SPEG: variants seen among roughly 807,000 people sequenced by gnomAD.
SPEG encodes striated muscle preferentially expressed protein kinase.
Under a neutral mutation model 300.4 loss-of-function variants are expected in SPEG, and 114 were observed. That is an observed-to-expected ratio of 0.38 (90% confidence interval 0.33 to 0.44). SPEG has a LOEUF of 0.44. SPEG is among the 20% of genes least tolerant of loss of function. The pLI, the probability that SPEG is intolerant of heterozygous loss-of-function variation, is 1.00. For missense variants in SPEG, 4,201 were observed against 4,586.2 expected (o/e 0.92, Z 2.43); for synonymous variants, 1,964 against 2,018.9 (o/e 0.97, Z 0.73).
rs531581582 is a variant in SPEG, at chr2:219,477,214, G to T, written c.4561-63G>T. ...ATGCGCTGCCCAGAGTAGGAGATGA[G>T]GCCCTGGCCCCAAGGTAGAGATGAG... is the stretch of plus-strand genomic sequence containing the variant. On this transcript the variant is annotated intron_variant, in intron 19 of 40. Transcript: ENST00000312358. The surrounding 1 kb of genome is among the most constrained non-coding windows in gnomAD (Gnocchi z 6.4). 2 of 1,444,342 alleles carry T rather than the reference G, an allele frequency of 1.4e-6. No homozygotes were observed. Among genetic ancestry groups the T allele is most frequent in the Middle Eastern group, 2.2e-4 (1 of 4,470 alleles). 89.5% of individuals were successfully genotyped at this position (1,444,342 alleles called of 1,614,324 possible). A position where few individuals can be genotyped will look rare whatever the true frequency, so the allele number is the denominator to read the frequency against.
chr2:219,444,580 G>A lies in SPEG; in HGVS notation c.389-73G>A, dbSNP rs1309318984. On this transcript the variant is annotated intron_variant, in intron 1 of 40. Transcript: ENST00000312358. The surrounding 1 kb of genome is among the most constrained non-coding windows in gnomAD (Gnocchi z 7.8). ...AGATGGAGCCTGCTGTTGGCAGGGA[G>A]GCAGAAGGCAATAGGGAAGAGTTGG... 5 of 1,291,600 alleles carry A rather than the reference G, an allele frequency of 3.9e-6. No individual in the cohort carries two copies. The highest frequency in any genetic ancestry group is 5.6e-6 in the Non-Finnish European group (5 of 894,130). 80.0% of individuals were successfully genotyped at this position (1,291,600 alleles called of 1,614,324 possible). A position where few individuals can be genotyped will look rare whatever the true frequency, so the allele number is the denominator to read the frequency against.
chr2:219,486,986 T>C (rs1693492548), intron 31 of SPEG, among the ~76,000 whole-genome samples: 1 of 152,116 alleles, frequency 6.6e-6, no homozygotes, highest in Non-Finnish European at 1.5e-5. Flanking sequence ...ACTCCTCTTC[T>C]GCCTGGCTCA....
rs764866715 is a variant in SPEG, at chr2:219,480,576, G to A, written c.5343-95G>A. On this transcript the variant is annotated intron_variant, in intron 25 of 40. Transcript: ENST00000312358. This position sits in a 1 kb window ranked among gnomAD's most constrained non-coding sequence, Gnocchi z 5.3. ...TTGTCCATGGCAGTGTTCCCAGGGAGGTAACAGCTCACTCAGGTCAGCAGT... is the reference window on the plus strand; with the variant it reads ...TTGTCCATGGCAGTGTTCCCAGGGAAGTAACAGCTCACTCAGGTCAGCAGT... The A allele has an allele frequency of 7.7e-7, 1 of 1,293,144 alleles. No individual in the cohort carries two copies. The highest frequency in any genetic ancestry group is 1.1e-6 in the Non-Finnish European group (1 of 889,308). 80.1% of individuals were successfully genotyped at this position (1,293,144 alleles called of 1,614,324 possible).
At chr2:219,456,207 T>C (rs1690166212) in intron 6 of SPEG, among the ~76,000 whole-genome samples, 1 of 152,232 alleles carries the variant, frequency 6.6e-6, no homozygotes, top group African/African-American at 2.4e-5. Flanking sequence ...ATAGGTTGTT[T>C]ATTGGGGGCC....
chr2:219,471,827 C>T (rs774281317), intron 13 of SPEG, 41 bp from the exon 14 acceptor site: 3 of 1,611,882 alleles, frequency 1.9e-6, no homozygotes, highest in South Asian at 2.2e-5. Context: ...TCAAGGTATC[C>T]TCCGGGCTCA....
intron 4 of SPEG, 138 bp downstream of exon 4, chr2:219,449,409 C>T (rs761674938): frequency 1.5e-5 from 9 of 604,734 alleles, no homozygotes; most frequent in Non-Finnish European, 2.3e-5. Context: ...GTGGGTTTGC[C>T]AAAGAAGGCA....
intron 3 of SPEG, among the ~76,000 whole-genome samples, chr2:219,446,205 T>C (rs990143461): frequency 6.6e-6 from 1 of 152,170 alleles, no homozygotes; most frequent in Non-Finnish European, 1.5e-5. Flanking sequence ...CTTATCTTCT[T>C]GGCCTTACCC....
At position 219,448,800 on chromosome 2, in the gene SPEG, G is replaced by A; in HGVS notation, c.1642G>A (p.Val548Met). Reference sequence around the variant, plus strand: ...CTCCACCCCCAAGACATCGCGGGCCGTGAGCCCCGCCGCCGCCCAGCCGCC... The same window carrying A: ...CTCCACCCCCAAGACATCGCGGGCCATGAGCCCCGCCGCCGCCCAGCCGCC... ...RPSTPKTSRA[V>M]SPAAAQPPSP... is the part of the protein sequence containing the mutation. Residue 548 changes from valine to methionine, a missense_variant, in exon 4 of 41, where the codon GTG (valine) becomes ATG (methionine). By Grantham distance (21) the Val-to-Met change is conservative. Transcript: ENST00000312358. 7.1e-7 allele frequency: 1 copy of A among 1,402,982 alleles called. No individual in the cohort carries two copies. The highest frequency in any genetic ancestry group is 9.2e-7 in the Non-Finnish European group (1 of 1,086,478). 86.9% of individuals were successfully genotyped at this position (1,402,982 alleles called of 1,614,324 possible). A position where few individuals can be genotyped will look rare whatever the true frequency, so the allele number is the denominator to read the frequency against.
At chr2:219,460,076 C>T (rs1367886843) in intron 6 of SPEG, among the ~76,000 whole-genome samples, 1 of 152,228 alleles carries the variant, frequency 6.6e-6, no homozygotes, top group Non-Finnish European at 1.5e-5. Flanking sequence ...GGGAGGCAGC[C>T]CCCGCTGTCC....
At position 219,489,611 on chromosome 2, in the gene SPEG, A is replaced by G; in HGVS notation, c.8593A>G (p.Thr2865Ala). The change falls in exon 36 of 41, where the codon ACC becomes GCC. Residue 2865 changes from threonine to alanine, a missense_variant. Physicochemically the swap from Thr to Ala is moderately conservative, Grantham distance 58 (BLOSUM62 0). This residue lies in a region of SPEG where 1,578 missense variants were observed against 1,506.0 expected (regional missense o/e 1.05). Transcript: ENST00000312358. ...ARPAEPTLPSTHVTPSEPKPF... is the reference protein window; with the variant it reads ...ARPAEPTLPSAHVTPSEPKPF... Reference sequence around the variant, plus strand: ...GCCAGCGGAGCCCACCCTACCCAGTACCCACGTCACCCCAAGTGAGCCCAA... The same window carrying G: ...GCCAGCGGAGCCCACCCTACCCAGTGCCCACGTCACCCCAAGTGAGCCCAA... 1 of 1,613,754 alleles carries G rather than the reference A, an allele frequency of 6.2e-7. No homozygotes were observed. Among genetic ancestry groups the G allele is most frequent in the East Asian group, 2.2e-5 (1 of 44,882 alleles).
At chr2:219,478,499 A>G (rs1406667507) in intron 22 of SPEG, among the ~76,000 whole-genome samples, 1 of 152,204 alleles carries the variant, frequency 6.6e-6, no homozygotes, top group Non-Finnish European at 1.5e-5. Flanking sequence ...ATGCAGTACA[A>G]TGCATCTGCA....
rs767028853 is a variant in SPEG at position 219,488,588 on chromosome 2, G to A, written c.7949G>A (p.Arg2650Gln). 1.1e-5 allele frequency: 18 copies of A among 1,612,222 alleles called. No homozygotes were observed. Among genetic ancestry groups the A allele is most frequent in the East Asian group, 8.9e-5 (4 of 44,856 alleles). Reference sequence around the variant, plus strand: ...CTCAGCATCCCCCGGGCGGGCAAGCGGCACGCCGGTCTCTATGAGTGCTCG... The same window carrying A: ...CTCAGCATCCCCCGGGCGGGCAAGCAGCACGCCGGTCTCTATGAGTGCTCG... ...QLLSIPRAGK[R>Q]HAGLYECSAT... The change falls in exon 33 of 41, where the codon CGG (arginine) becomes CAG (glutamine). Residue 2650 changes from arginine (R) to glutamine (Q), a missense_variant. Coordinates refer to ENST00000312358, the MANE Select transcript of SPEG (RefSeq NM_005876.5).
Position 219,448,284 on chromosome 2 carries a change from C to T in SPEG, c.1126C>T (p.Pro376Ser), listed in dbSNP as rs2125280625. Reference sequence around the variant, plus strand: ...CACCGCGGAATCCCGACCCCAGACGCCACTGAGCGAGGCCTCAGGCCGCCT... The same window carrying T: ...CACCGCGGAATCCCGACCCCAGACGTCACTGAGCGAGGCCTCAGGCCGCCT... ...AGTAESRPQT[P>S]LSEASGRLSA... The change falls in exon 4 of 41, where the codon CCA becomes TCA. Residue 376 changes from proline (P) to serine (S), a missense_variant. Physicochemically the swap from Pro to Ser is moderately conservative, Grantham distance 74. Coordinates refer to ENST00000312358, the MANE Select transcript of SPEG (RefSeq NM_005876.5). 1 of 1,611,008 alleles carries T rather than the reference C, an allele frequency of 6.2e-7. No homozygotes were observed. The highest frequency in any genetic ancestry group is 8.5e-7 in the Non-Finnish European group (1 of 1,179,212).
intron 9 of SPEG, chr2:219,466,184 G>A (rs1160589026): frequency 2.0e-6 from 3 of 1,493,840 alleles, no homozygotes; most frequent in South Asian, 1.3e-5. Context: ...CTGCCGGCCC[G>A]GACCCGTCCC....
At position 219,490,967 on chromosome 2, in the gene SPEG, C is replaced by T. The variant is rs960245852; in HGVS notation, c.9385+11C>T. ...CGCTGGAGTTCATGGGTGAGGGGAC[C>T]AGCTGCCAGCCAGGGTGGGGACAGG... On this transcript the variant is annotated intron_variant, in intron 38 of 40. Coordinates refer to ENST00000312358, the MANE Select transcript of SPEG (RefSeq NM_005876.5). 5.0e-6 allele frequency: 8 copies of T among 1,603,868 alleles called. No homozygotes were observed. The Admixed American group carries it at 1.3e-4, about 27-fold the overall frequency.
chr2:219,469,468 C>A, intron 13 of SPEG, 89 bp downstream of exon 13: 1 of 1,105,792 alleles, frequency 9.0e-7, no homozygotes, highest in Non-Finnish European at 1.3e-6. Context: ...TCTCCCCAGG[C>A]CTTTCCTCTG....
At chr2:219,441,662 T>C in intron 1 of SPEG, 1 of 452,390 alleles carries the variant, frequency 2.2e-6, no homozygotes, top group South Asian at 1.6e-5. Flanking sequence ...TTGCACCCCT[T>C]TCTGTGCCTC....
At position 219,435,283 on chromosome 2, in the gene SPEG, C is replaced by T; in HGVS notation, c.306C>T (p.Asp102=). The T allele has an allele frequency of 1.3e-6, 2 of 1,506,228 alleles. No individual in the cohort carries two copies. Among genetic ancestry groups the T allele is most frequent in the Non-Finnish European group, 1.8e-6 (2 of 1,135,698 alleles). 93.3% of individuals were successfully genotyped at this position (1,506,228 alleles called of 1,614,324 possible). A position where few individuals can be genotyped will look rare whatever the true frequency, so the allele number is the denominator to read the frequency against. ...CLWLRRCGAQ[D]AGVYSCMAQN... ...GGCTGCGGCGCTGCGGGGCGCAGGA[C>T]GCCGGCGTGTACAGCTGCATGGCCC... Residue 102 remains aspartate (D), a synonymous_variant, in exon 1 of 41, where the codon GAC becomes GAT. Coordinates refer to ENST00000312358, the MANE Select transcript of SPEG (RefSeq NM_005876.5).
At position 219,488,296 on chromosome 2, in the gene SPEG, TCTC is replaced by T. The variant is rs1274718760; in HGVS notation, c.7847_7849del (p.Ser2616del). ...CCAGCGGCCTGCCCTGCACCGCACATCTCCTGGATGAAAGGTAAGGAGACTCTG... is the reference window on the plus strand; with the variant it reads ...CCAGCGGCCTGCCCTGCACCGCACATCTGGATGAAAGGTAAGGAGACTCTG... On this transcript the variant is annotated inframe_deletion, in exon 32 of 41. Transcript: ENST00000312358. 6.2e-7 allele frequency: 1 copy of T among 1,610,012 alleles called. No individual in the cohort carries two copies. Among genetic ancestry groups the T allele is most frequent in the Admixed American group, 1.7e-5 (1 of 59,624 alleles).
Sources: gnomAD v4.1 joint callset for allele counts (sites outside exome capture counted in the v4.1 genomes callset) on GRCh38, gnomAD v4.1.1 for gene constraint, gnomAD v4.1.1 regional missense constraint, Gnocchi (gnomAD v3.1) non-coding constraint, MANE v1.5 for transcripts, NCBI Gene and HGNC (gene_info 2026-07-23, HGNC 2026-07-21) for gene names.